FBXL17: variants seen among roughly 807,000 people sequenced by gnomAD.
FBXL17 encodes the protein F-box and leucine rich repeat protein 17, also known as F-box/LRR-repeat protein 17.
FBXL17 carries 22 observed loss-of-function variants against 66.2 expected under a neutral mutation model. That is an observed-to-expected ratio of 0.33 (90% CI 0.24 to 0.47). FBXL17 has a LOEUF of 0.47. Ranked by LOEUF, FBXL17 falls within the 20% of genes least tolerant of loss-of-function variation. FBXL17 has a pLI of 1.00. For missense variants in FBXL17, 878 were observed against 948.2 expected (o/e 0.93, Z 0.97); for synonymous variants, 474 against 400.5 (o/e 1.18, Z -2.19).
intron 7 of FBXL17, among the ~76,000 whole-genome samples, chr5:108,003,319 C>G (rs1032535735): frequency 6.6e-6 from 1 of 152,128 alleles, no homozygotes; most frequent in South Asian, 2.1e-4. Context: ...GCCCAAGAAA[C>G]TGAAAGTAGT....
At chr5:108,101,590 G>T (rs540541820) in intron 6 of FBXL17, among the ~76,000 whole-genome samples, 5 of 152,318 alleles carry the variant, frequency 3.3e-5, no homozygotes, top group Admixed American at 6.5e-5. Flanking sequence ...ACTAAATTGA[G>T]TTACCTCTGT....
At chr5:108,082,506 T>A (rs1303829565) in intron 6 of FBXL17, among the ~76,000 whole-genome samples, 1 of 152,216 alleles carries the variant, frequency 6.6e-6, no homozygotes, top group African/African-American at 2.4e-5. Context: ...GACATACAGG[T>A]GTAAGCAGCC....
chr5:107,902,533 C>T (rs114196781), intron 7 of FBXL17, among the ~76,000 whole-genome samples: 2,466 of 152,120 alleles, frequency 0.016, 28 homozygotes, highest in South Asian at 0.029. Context: ...GGAGTTGCGG[C>T]GGTCAAAATT....
At chr5:107,910,738 T>C (rs978175423) in intron 7 of FBXL17, among the ~76,000 whole-genome samples, 1 of 152,102 alleles carries the variant, frequency 6.6e-6, no homozygotes, top group African/African-American at 2.4e-5. Context: ...ACAAAACCAG[T>C]TGTATTCCAA....
intron 6 of FBXL17, among the ~76,000 whole-genome samples, chr5:108,143,738 A>AT (rs1751452505): frequency 6.6e-6 from 1 of 150,584 alleles, no homozygotes; most frequent in Non-Finnish European, 1.5e-5. Flanking sequence ...AAAAAAAAAA[A>AT]AAAAAAAAAA....
chr5:108,081,830 T>C (rs1467854740), intron 6 of FBXL17, among the ~76,000 whole-genome samples: 1 of 152,136 alleles, frequency 6.6e-6, no homozygotes, highest in African/African-American at 2.4e-5. Flanking sequence ...AAGTCATTCC[T>C]CCAGCCCCAC....
At chr5:108,215,157 T>A (rs114726387) in intron 5 of FBXL17, among the ~76,000 whole-genome samples, 2,322 of 152,334 alleles carry the variant, frequency 0.015, 54 homozygotes, top group African/African-American at 0.053. Flanking sequence ...GTTGTGTATG[T>A]TGCTGCTATG....
chr5:108,136,433 C>A (rs1344934102), intron 6 of FBXL17, among the ~76,000 whole-genome samples: 1 of 152,122 alleles, frequency 6.6e-6, no homozygotes, highest in Non-Finnish European at 1.5e-5. Context: ...GGGTACGCTA[C>A]AACACCAAGT....
At chr5:107,984,060 T>G (rs544624671) in intron 7 of FBXL17, among the ~76,000 whole-genome samples, 1 of 152,258 alleles carries the variant, frequency 6.6e-6, no homozygotes, top group East Asian at 1.9e-4. Context: ...ATTCTTTATA[T>G]TCTATTAATT....
intron 1 of FBXL17, among the ~76,000 whole-genome samples, chr5:108,377,621 T>G (rs1749537466): frequency 6.6e-6 from 1 of 152,234 alleles, no homozygotes; most frequent in Non-Finnish European, 1.5e-5. Flanking sequence ...TTCTCAATGA[T>G]TTTCTTTGCT....
At chr5:108,355,966 C>A (rs1747959858) in intron 3 of FBXL17, among the ~76,000 whole-genome samples, 1 of 152,034 alleles carries the variant, frequency 6.6e-6, no homozygotes, top group African/African-American at 2.4e-5. Flanking sequence ...AAACAAGACC[C>A]AACTCTATGT....
intron 7 of FBXL17, among the ~76,000 whole-genome samples, chr5:107,882,480 A>G (rs1419941121): frequency 6.6e-6 from 1 of 152,220 alleles, no homozygotes; most frequent in African/African-American, 2.4e-5. Flanking sequence ...TGAAAATACA[A>G]TAGAGAGACA....
At chr5:108,161,113 C>T (rs953547872) in intron 6 of FBXL17, among the ~76,000 whole-genome samples, 1 of 151,820 alleles carries the variant, frequency 6.6e-6, no homozygotes, top group East Asian at 1.9e-4. Context: ...TTAAGAGAGT[C>T]CCGGGAGAAA....
At chr5:108,299,904 G>GTT in intron 4 of FBXL17, 1 of 807,194 alleles carries the variant, frequency 1.2e-6, no homozygotes, top group Non-Finnish European at 1.5e-6. Flanking sequence ...CTAAAATGAT[G>GTT]GGTAAATAAA....
intron 5 of FBXL17, among the ~76,000 whole-genome samples, chr5:108,212,275 C>A (rs570810368): frequency 3.0e-4 from 46 of 152,258 alleles, no homozygotes; most frequent in African/African-American, 1.1e-3. Flanking sequence ...TAAGTTAGAA[C>A]CTGCTCCTTT....
chr5:108,297,930 TAC>T (rs1286466507), intron 4 of FBXL17: 6 of 969,466 alleles, frequency 6.2e-6, no homozygotes, highest in Non-Finnish European at 7.4e-6. Context: ...TTCAAAAATT[TAC>T]AGTTTATGGC....
At chr5:108,105,066 C>A (rs1749741966) in intron 6 of FBXL17, among the ~76,000 whole-genome samples, 1 of 152,182 alleles carries the variant, frequency 6.6e-6, no homozygotes, top group East Asian at 1.9e-4. Context: ...TGGTCTGGAT[C>A]TCCTGACCTT....
At chr5:108,114,948 C>T (rs1284718853) in intron 6 of FBXL17, among the ~76,000 whole-genome samples, 1 of 152,112 alleles carries the variant, frequency 6.6e-6, no homozygotes, top group Non-Finnish European at 1.5e-5. Flanking sequence ...GTCTCTAATC[C>T]TATACAGAAA....
At chr5:108,099,057 C>G (rs1230163404) in intron 6 of FBXL17, among the ~76,000 whole-genome samples, 1 of 152,152 alleles carries the variant, frequency 6.6e-6, no homozygotes, top group African/African-American at 2.4e-5. Flanking sequence ...TTACCAGCAA[C>G]TACTTTATAT....
Sources: gnomAD v4.1 joint callset for allele counts (sites outside exome capture counted in the v4.1 genomes callset) on GRCh38, gnomAD v4.1.1 for gene constraint, MANE v1.5 for transcripts, NCBI Gene and HGNC (gene_info 2026-07-23, HGNC 2026-07-21) for gene names.